TBC1D32: variants seen among roughly 807,000 people sequenced by gnomAD.
TBC1D32 encodes the protein TBC1 domain family member 32, also known as protein broad-minded.
A neutral mutation model predicts 170.3 loss-of-function variants in TBC1D32; 151 were observed. The observed-to-expected ratio is 0.89, with a 90% CI of 0.78 to 1.01. The LOEUF (loss-of-function observed/expected upper bound fraction) is 1.01. Ranked by LOEUF, TBC1D32 falls within the 50% of genes least tolerant of loss-of-function variation. TBC1D32 has a pLI of 0.00. For missense variants in TBC1D32, 1,464 were observed against 1,457.1 expected, an observed-to-expected ratio of 1.00 and a Z score of -0.08; for synonymous variants, 498 against 488.0, an observed-to-expected ratio of 1.02 and a Z score of -0.27.
At chr6:121,101,718 G>C (rs1184178216) in intron 30 of TBC1D32, among the ~76,000 whole-genome samples, 1 of 152,144 alleles carries the variant, frequency 6.6e-6, no homozygotes, top group Non-Finnish European at 1.5e-5. Flanking sequence ...ATTCAACATA[G>C]TGTTGGAAGT....
intron 1 of TBC1D32, among the ~76,000 whole-genome samples, chr6:121,327,797 TTTC>T (rs1223372931): frequency 6.6e-6 from 1 of 152,248 alleles, no homozygotes; most frequent in Non-Finnish European, 1.5e-5. Context: ...AAATGGTACT[TTTC>T]TTCTTTTTTT....
chr6:121,256,492 G>A (rs1043731704), intron 15 of TBC1D32, among the ~76,000 whole-genome samples: 1 of 151,988 alleles, frequency 6.6e-6, no homozygotes, highest in African/African-American at 2.4e-5. Flanking sequence ...CAGAGACAGG[G>A]AAAAAGCAGG....
chr6:121,096,741 C>T lies in TBC1D32; in HGVS notation c.3466-5700G>A, dbSNP rs191883917. 1.5e-3 allele frequency among the ~76,000 whole-genome samples: 231 copies of T among 152,194 alleles called. 2 individuals are homozygous for T. The highest frequency in any genetic ancestry group is 7.3e-3 in the East Asian group (38 of 5,180). Reference sequence around the variant, plus strand: ...CAAAAAAGATCCCACATTGCCAAGACAATCCTAAGCCAAAAGAACAAAGCT... The same window carrying T: ...CAAAAAAGATCCCACATTGCCAAGATAATCCTAAGCCAAAAGAACAAAGCT... On this transcript the variant is annotated intron_variant, in intron 30 of 31. Transcript: ENST00000398212.
chr6:121,136,674 G>A (rs928551042), intron 24 of TBC1D32, among the ~76,000 whole-genome samples: 4 of 152,100 alleles, frequency 2.6e-5, no homozygotes, highest in Admixed American at 1.3e-4. Flanking sequence ...AAAAGACAAA[G>A]GGAATTAATG....
intron 5 of TBC1D32, 54 bp from the exon 6 acceptor site, chr6:121,304,887 A>G (rs962847855): frequency 7.0e-5 from 82 of 1,179,566 alleles, no homozygotes; most frequent in Non-Finnish European, 9.5e-5. Context: ...AATAGAATAG[A>G]GATGAAACAT....
At chr6:121,307,333 GC>G (rs1368900124) in intron 5 of TBC1D32, among the ~76,000 whole-genome samples, 1 of 152,080 alleles carries the variant, frequency 6.6e-6, no homozygotes, top group Admixed American at 6.5e-5. Context: ...CTGTGATCAT[GC>G]CACTACACTC....
At chr6:121,085,250 T>TATATATACACATATATACAC (rs60281068) in intron 31 of TBC1D32, among the ~76,000 whole-genome samples, 2 of 142,682 alleles carry the variant, frequency 1.4e-5, no homozygotes, top group African/African-American at 5.4e-5. Context: ...TACATACGTA[T>TATATATACACATATATACAC]ATATATACAC....
At chr6:121,324,645 A>T (rs142150822) in intron 1 of TBC1D32, among the ~76,000 whole-genome samples, 1,711 of 152,324 alleles carry the variant, frequency 0.011, 7 homozygotes, top group Middle Eastern at 0.031. Context: ...ATTGCCTTAT[A>T]TTATTTGAAG....
rs1488500064 is a variant in TBC1D32, at chr6:121,283,827, C to A, written c.1456G>T (p.Ala486Ser). 1 of 1,604,800 alleles carries A rather than the reference C, an allele frequency of 6.2e-7. No individual in the cohort carries two copies. ...SPSCPKMTSAAHSENYSPASM... is the reference protein window; with the variant it reads ...SPSCPKMTSASHSENYSPASM... ...ATAGAAACAGAATTACCTGAATGGGCAGCTGATGTCATCTTTGGACAACTT... is the reference window on the plus strand; with the variant it reads ...ATAGAAACAGAATTACCTGAATGGGAAGCTGATGTCATCTTTGGACAACTT... The change falls in exon 13 of 32, where the codon GCC becomes TCC. Residue 486 changes from alanine (A) to serine (S), a missense_variant. This residue lies in a region of TBC1D32 where 1,363 missense variants were observed against 1,338.1 expected (regional missense o/e 1.02). Coordinates refer to ENST00000398212, the MANE Select transcript of TBC1D32 (RefSeq NM_152730.6).
At chr6:121,264,808 C>G (rs1477540137) in intron 15 of TBC1D32, among the ~76,000 whole-genome samples, 1 of 152,032 alleles carries the variant, frequency 6.6e-6, no homozygotes, top group African/African-American at 2.4e-5. Flanking sequence ...GAACCAATGA[C>G]AAAAATCATG....
chr6:121,313,100 A>G (rs1808441785), intron 3 of TBC1D32, among the ~76,000 whole-genome samples: 2 of 143,224 alleles, frequency 1.4e-5, no homozygotes, highest in Admixed American at 1.4e-4. Flanking sequence ...ATGCCAAGCT[A>G]AGGTGGTGTG....
At chr6:121,108,879 G>A (rs926868670) in intron 29 of TBC1D32, among the ~76,000 whole-genome samples, 4 of 152,150 alleles carry the variant, frequency 2.6e-5, no homozygotes, top group African/African-American at 9.7e-5. Context: ...GGCTAAGGAT[G>A]TGCCACGCTT....
intron 9 of TBC1D32, among the ~76,000 whole-genome samples, chr6:121,301,247 T>C (rs1379166749): frequency 6.6e-6 from 1 of 152,170 alleles, no homozygotes; most frequent in Non-Finnish European, 1.5e-5. Flanking sequence ...ACACATATGT[T>C]TATTGCAGCA....
chr6:121,250,389 T>C (rs1798139445), intron 17 of TBC1D32, among the ~76,000 whole-genome samples: 1 of 152,100 alleles, frequency 6.6e-6, no homozygotes, highest in Non-Finnish European at 1.5e-5. Flanking sequence ...TTATCCACCA[T>C]GATCAAGTCG....
At chr6:121,232,415 G>C (rs1203005095) in intron 20 of TBC1D32, among the ~76,000 whole-genome samples, 1 of 151,964 alleles carries the variant, frequency 6.6e-6, no homozygotes, top group Non-Finnish European at 1.5e-5. Flanking sequence ...GCTCTTTGTT[G>C]GCTCCATATA....
chr6:121,279,326 T>C lies in TBC1D32; in HGVS notation c.1609-81A>G, dbSNP rs572663013. ...ATCACAGACTAAAATCCGAGGATTGTAAGTAGTCTTATAAAGTTATATTAC... is the reference window on the plus strand; with the variant it reads ...ATCACAGACTAAAATCCGAGGATTGCAAGTAGTCTTATAAAGTTATATTAC... On this transcript the variant is annotated intron_variant, in intron 14 of 31. Transcript: ENST00000398212. The C allele has an allele frequency of 1.1e-3, 1,661 of 1,465,082 alleles. 14 individuals are homozygous for C. In the Middle Eastern group the frequency reaches 0.02, roughly 17 times the overall value. The allele number at this position is 1,465,082 out of a possible 1,614,324, so 90.8% of individuals were successfully genotyped here.
intron 22 of TBC1D32, among the ~76,000 whole-genome samples, chr6:121,184,696 G>A (rs549446286): frequency 5.0e-4 from 75 of 151,436 alleles, no homozygotes; most frequent in African/African-American, 1.5e-3. Context: ...GATAGTACAG[G>A]AACTTCTGAC....
intron 20 of TBC1D32, among the ~76,000 whole-genome samples, chr6:121,231,951 T>G (rs1425232403): frequency 6.6e-6 from 1 of 152,188 alleles, no homozygotes; most frequent in Non-Finnish European, 1.5e-5. Flanking sequence ...TCTTTGTTTT[T>G]CTTGCATTTG....
At chr6:121,191,199 C>T (rs1583152827) in intron 22 of TBC1D32, among the ~76,000 whole-genome samples, 2 of 152,148 alleles carry the variant, frequency 1.3e-5, no homozygotes, top group East Asian at 3.9e-4. Context: ...TATATACATG[C>T]ATGCACACCC....
Sources: allele counts gnomAD v4.1 joint callset (sites outside exome capture counted in the v4.1 genomes callset), GRCh38; gene constraint gnomAD v4.1.1; regional missense constraint gnomAD v4.1.1; transcripts MANE v1.5; gene names NCBI Gene and HGNC (gene_info 2026-07-23, HGNC 2026-07-21).